The following SHISA9 variants were observed in gnomAD, a reference collection of about 807,000 sequenced individuals.
SHISA9 encodes the protein shisa family member 9, also known as protein shisa-9.
In SHISA9, 13 loss-of-function variants were observed where a neutral mutation model predicts 38.0. The ratio of observed to expected loss-of-function variants is 0.34; its 90% CI spans 0.22 to 0.54. The LOEUF is 0.54. Among genes scored for constraint, SHISA9 ranks in the 20% least tolerant of loss-of-function variants. The probability of loss-of-function intolerance (pLI) is 0.91; values close to 1 mark genes in which losing one functional copy is unlikely to be tolerated. For missense variants in SHISA9, 538 were observed against 575.8 expected, an observed-to-expected ratio of 0.93 and a Z score of 0.67; for synonymous variants, 275 against 242.0, an observed-to-expected ratio of 1.14 and a Z score of -1.27.
intron 2 of SHISA9, among the ~76,000 whole-genome samples, chr16:12,926,802 G>T (rs1011815249): frequency 2.0e-5 from 3 of 152,204 alleles, no homozygotes; most frequent in Non-Finnish European, 4.4e-5. Flanking sequence ...GTGAAGAAAA[G>T]CAGAACATTT....
chr16:13,404,230 G>T, the SHISA9 span, among the ~76,000 whole-genome samples: 1 of 152,094 alleles, frequency 6.6e-6, no homozygotes, highest in Non-Finnish European at 1.5e-5. Context: ...CTGAGCGTAG[G>T]AATAAAATAG....
At chr16:12,959,457 A>G (rs1432581084) in intron 2 of SHISA9, among the ~76,000 whole-genome samples, 1 of 152,216 alleles carries the variant, frequency 6.6e-6, no homozygotes, top group Non-Finnish European at 1.5e-5. Context: ...GAAACCTCTG[A>G]TGGAATCACC....
At chr16:13,449,261 A>G in the SHISA9 span, among the ~76,000 whole-genome samples, 2 of 152,198 alleles carry the variant, frequency 1.3e-5, no homozygotes, top group Non-Finnish European at 2.9e-5. Context: ...ATAGACCAAA[A>G]TGTTCAAGGA....
intron 4 of SHISA9, among the ~76,000 whole-genome samples, chr16:13,234,035 C>A (rs1410575481): frequency 1.3e-5 from 2 of 151,958 alleles, no homozygotes; most frequent in Admixed American, 6.6e-5. Context: ...AATAAGAAAA[C>A]ATTTTTAGAA....
intron 4 of SHISA9, among the ~76,000 whole-genome samples, chr16:13,222,135 C>G (rs890207916): frequency 1.3e-5 from 2 of 152,178 alleles, no homozygotes; most frequent in Non-Finnish European, 2.9e-5. Flanking sequence ...TTCATTATCA[C>G]AAGAACAGCA....
intron 2 of SHISA9, among the ~76,000 whole-genome samples, chr16:13,152,295 A>G (rs1460131589): frequency 6.6e-6 from 1 of 152,108 alleles, no homozygotes; most frequent in Non-Finnish European, 1.5e-5. Context: ...GAGGTTGTCT[A>G]TGTGTCTGCC....
the SHISA9 span, among the ~76,000 whole-genome samples, chr16:13,425,181 A>G: frequency 9.2e-5 from 14 of 152,360 alleles, no homozygotes; most frequent in East Asian, 2.7e-3. Flanking sequence ...GATGGAAACA[A>G]TAGACATTGG....
chr16:12,952,977 A>T (rs2141778556), intron 2 of SHISA9, among the ~76,000 whole-genome samples: 1 of 152,276 alleles, frequency 6.6e-6, no homozygotes, highest in South Asian at 2.1e-4. Context: ...ACAGCTCCTG[A>T]CTTACATGCT....
the SHISA9 span, among the ~76,000 whole-genome samples, chr16:13,273,886 G>A: frequency 6.6e-6 from 1 of 152,034 alleles, no homozygotes; most frequent in Non-Finnish European, 1.5e-5. Flanking sequence ...ATCTGGAATC[G>A]GAAATCACTT....
chr16:13,128,696 T>C (rs2050281956), intron 2 of SHISA9, among the ~76,000 whole-genome samples: 2 of 152,188 alleles, frequency 1.3e-5, no homozygotes, highest in Non-Finnish European at 2.9e-5. Context: ...TGAGTCTAGC[T>C]TATGTCCCAC....
chr16:13,216,583 G>A (rs1171986672), intron 4 of SHISA9, among the ~76,000 whole-genome samples: 2 of 152,138 alleles, frequency 1.3e-5, no homozygotes, highest in South Asian at 2.1e-4. Context: ...AAGGAAGACC[G>A]ATGAACATCT....
chr16:13,173,512 G>A (rs1009147275), intron 2 of SHISA9, among the ~76,000 whole-genome samples: 14 of 152,012 alleles, frequency 9.2e-5, no homozygotes, highest in East Asian at 1.9e-4. Flanking sequence ...TTCTGCCCGC[G>A]TGGACCTAAC....
chr16:13,229,949 A>G (rs1372046409), intron 4 of SHISA9, among the ~76,000 whole-genome samples: 1 of 152,212 alleles, frequency 6.6e-6, no homozygotes, highest in African/African-American at 2.4e-5. Flanking sequence ...AAGTACTGCT[A>G]TGACTGGTTA....
At chr16:13,079,608 G>T (rs559828744) in intron 2 of SHISA9, among the ~76,000 whole-genome samples, 1 of 152,130 alleles carries the variant, frequency 6.6e-6, no homozygotes, top group East Asian at 1.9e-4. Flanking sequence ...TATAAACAAC[G>T]CATTTCTCCT....
intron 2 of SHISA9, among the ~76,000 whole-genome samples, chr16:13,044,927 G>A (rs1261126233): frequency 6.6e-6 from 1 of 152,162 alleles, no homozygotes; most frequent in African/African-American, 2.4e-5. Flanking sequence ...TTTGCTATTT[G>A]AAAAGTGATG....
the SHISA9 span, among the ~76,000 whole-genome samples, chr16:13,529,253 C>G: frequency 6.6e-6 from 1 of 152,212 alleles, no homozygotes; most frequent in African/African-American, 2.4e-5. Context: ...TTAACTCACA[C>G]ACCCCAAAAG....
intron 2 of SHISA9, among the ~76,000 whole-genome samples, chr16:12,953,208 T>TCAACAACAACAACAACAA (rs71393724): frequency 1.3e-5 from 2 of 148,592 alleles, no homozygotes; most frequent in South Asian, 4.3e-4. Flanking sequence ...AAAAAACCCC[T>TCAACAACAACAACAACAA]CAACAACAAC....
At chr16:13,037,519 A>G (rs2073088964) in intron 2 of SHISA9, among the ~76,000 whole-genome samples, 2 of 152,052 alleles carry the variant, frequency 1.3e-5, no homozygotes, top group Admixed American at 6.5e-5. Flanking sequence ...GTCTGAGGGT[A>G]TGGACAGGAT....
At chr16:13,481,386 G>A in the SHISA9 span, among the ~76,000 whole-genome samples, 1 of 152,182 alleles carries the variant, frequency 6.6e-6, no homozygotes, top group Non-Finnish European at 1.5e-5. Flanking sequence ...TCACTCTGCT[G>A]TGCTAGCAAA....
Sources: gnomAD v4.1 joint callset for allele counts (sites outside exome capture counted in the v4.1 genomes callset) on GRCh38, gnomAD v4.1.1 for gene constraint, MANE v1.5 for transcripts, NCBI Gene and HGNC (gene_info 2026-07-23, HGNC 2026-07-21) for gene names.